FSHR: variants seen among roughly 807,000 people sequenced by gnomAD.
FSHR encodes follicle-stimulating hormone receptor.
FSHR carries 46 observed loss-of-function variants against 52.1 expected under a neutral mutation model. The observed-to-expected ratio is 0.88, with a 90% CI of 0.70 to 1.13. The LOEUF is 1.13. Among genes scored for constraint, FSHR ranks in the 50% most tolerant of loss-of-function variants. The pLI, the probability that FSHR is intolerant of heterozygous loss-of-function variation, is 0.00. For missense variants in FSHR, 964 were observed against 834.6 expected, an observed-to-expected ratio of 1.16 and a Z score of -1.91; for synonymous variants, 399 against 309.6, an observed-to-expected ratio of 1.29 and a Z score of -3.03.
intron 1 of FSHR, among the ~76,000 whole-genome samples, chr2:49,125,219 G>A (rs114315804): frequency 0.013 from 2,019 of 152,100 alleles, 38 homozygotes; most frequent in African/African-American, 0.047. Context: ...TCTAGCATAG[G>A]GATGCTCAAT....
At chr2:49,063,079 A>G (rs1669372087) in intron 2 of FSHR, among the ~76,000 whole-genome samples, 1 of 152,130 alleles carries the variant, frequency 6.6e-6, no homozygotes, top group Admixed American at 6.6e-5. Context: ...CAATTTTACT[A>G]ATGGGTATGT....
intron 1 of FSHR, among the ~76,000 whole-genome samples, chr2:49,079,351 GT>G (rs1210708275): frequency 1.3e-5 from 2 of 151,626 alleles, no homozygotes; most frequent in East Asian, 3.9e-4. Flanking sequence ...AAGCACAGTT[GT>G]TTTTTTGTTT....
At chr2:49,053,743 G>C (rs1445834948) in intron 2 of FSHR, among the ~76,000 whole-genome samples, 1 of 152,184 alleles carries the variant, frequency 6.6e-6, no homozygotes, top group Non-Finnish European at 1.5e-5. Context: ...AAGTAGAGGA[G>C]GCTGGGTTAA....
intron 2 of FSHR, among the ~76,000 whole-genome samples, chr2:49,047,007 C>CAAATAG (rs1431108466): frequency 9.1e-6 from 1 of 110,176 alleles, no homozygotes; most frequent in Non-Finnish European, 2.2e-5. Flanking sequence ...TCAGCCTGCA[C>CAAATAG]TTGTCTCAAG....
intron 2 of FSHR, among the ~76,000 whole-genome samples, chr2:49,060,196 G>C (rs114221130): frequency 6.6e-6 from 1 of 152,004 alleles, no homozygotes; most frequent in Non-Finnish European, 1.5e-5. Flanking sequence ...AAAAAATACC[G>C]GTGAGGATGC....
intron 1 of FSHR, among the ~76,000 whole-genome samples, chr2:49,112,008 T>C (rs979051524): frequency 6.6e-6 from 1 of 152,158 alleles, no homozygotes; most frequent in African/African-American, 2.4e-5. Context: ...TTACTCAAGG[T>C]AACACAGCTT....
chr2:49,137,315 G>T (rs1438122729), intron 1 of FSHR, among the ~76,000 whole-genome samples: 1 of 151,976 alleles, frequency 6.6e-6, no homozygotes. Context: ...CTTATGTCTT[G>T]AAAACTATAA....
chr2:49,002,541 C>A (rs1666935801), intron 4 of FSHR, among the ~76,000 whole-genome samples: 1 of 152,074 alleles, frequency 6.6e-6, no homozygotes, highest in Admixed American at 6.6e-5. Flanking sequence ...AACATGCCTT[C>A]TTCACATGGT....
chr2:48,985,901 G>C (rs372721174), intron 6 of FSHR, among the ~76,000 whole-genome samples: 1 of 150,930 alleles, frequency 6.6e-6, no homozygotes, highest in African/African-American at 2.4e-5. Flanking sequence ...TTTTAGTAGA[G>C]ACGGGGTTTC....
chr2:49,101,556 C>T (rs758088491), intron 1 of FSHR, among the ~76,000 whole-genome samples: 83 of 152,066 alleles, frequency 5.5e-4, no homozygotes, highest in Non-Finnish European at 9.9e-4. Flanking sequence ...ACAAAGAAGG[C>T]AAGAACATTT....
chr2:49,021,921 A>AGAGAGAGAGAGAG (rs1667739794), intron 2 of FSHR, among the ~76,000 whole-genome samples: 4 of 126,764 alleles, frequency 3.2e-5, no homozygotes, highest in African/African-American at 9.3e-5. Flanking sequence ...AGAGAGAGAG[A>AGAGAGAGAGAGAG]ATGAACACCA....
Position 49,056,433 on chromosome 2 carries a change from C to CATTACA in FSHR, c.224+11780_224+11785dup, listed in dbSNP as rs1424222795. 5.1e-5 allele frequency among the ~76,000 whole-genome samples: 7 copies of CATTACA among 136,922 alleles called. No individual in the cohort carries two copies. The South Asian group carries it at 9.2e-4, about 18-fold the overall frequency. The allele number at this position is 136,922 out of a possible 152,430, so 89.8% of individuals were successfully genotyped here. A position where few individuals can be genotyped will look rare whatever the true frequency, so the allele number is the denominator to read the frequency against. Reference sequence around the variant, plus strand: ...TAAAGGGATCAATTCAGCAAGAAATCATTACAATTGGAATATATATATATA... The same window carrying CATTACA: ...TAAAGGGATCAATTCAGCAAGAAATCATTACAATTACAATTGGAATATATATATATA... On this transcript the variant is annotated intron_variant, in intron 2 of 9. Transcript: ENST00000406846.
intron 1 of FSHR, among the ~76,000 whole-genome samples, chr2:49,112,541 C>A (rs1404039050): frequency 6.6e-6 from 1 of 152,046 alleles, no homozygotes; most frequent in Non-Finnish European, 1.5e-5. Flanking sequence ...AATTTCAAAA[C>A]AAAATGCTAA....
At chr2:49,019,135 T>G (rs1667603202) in intron 3 of FSHR, among the ~76,000 whole-genome samples, 1 of 152,222 alleles carries the variant, frequency 6.6e-6, no homozygotes, top group Non-Finnish European at 1.5e-5. Flanking sequence ...AACTTTCCAG[T>G]GACATTAGTT....
intron 2 of FSHR, among the ~76,000 whole-genome samples, chr2:49,042,745 C>T (rs1451303927): frequency 6.6e-6 from 1 of 152,148 alleles, no homozygotes; most frequent in East Asian, 1.9e-4. Context: ...CATTCCTAGA[C>T]TCTAGGGACA....
chr2:49,102,847 A>T (rs1403875879), intron 1 of FSHR, among the ~76,000 whole-genome samples: 1 of 43,982 alleles, frequency 2.3e-5, no homozygotes, highest in African/African-American at 1.2e-4. Flanking sequence ...GATTTCTGCC[A>T]CGGTTTGTTA....
intron 1 of FSHR, among the ~76,000 whole-genome samples, chr2:49,125,661 G>T (rs1406376840): frequency 6.6e-6 from 1 of 152,142 alleles, no homozygotes; most frequent in African/African-American, 2.4e-5. Context: ...CTTTCTTCTT[G>T]CCTTAGGAAA....
At chr2:49,110,814 G>T (rs557837684) in intron 1 of FSHR, among the ~76,000 whole-genome samples, 74 of 152,232 alleles carry the variant, frequency 4.9e-4, no homozygotes, top group African/African-American at 1.6e-3. Flanking sequence ...GGGCTGTTCA[G>T]AACTCTGGCA....
chr2:48,990,505 A>C, intron 5 of FSHR, 61 bp downstream of exon 5: 1 of 1,061,288 alleles, frequency 9.4e-7, no homozygotes, highest in East Asian at 2.4e-5. Context: ...AGGCCCAGAT[A>C]GCCGTTGGGC....
Sources: allele counts gnomAD v4.1 joint callset (sites outside exome capture counted in the v4.1 genomes callset), GRCh38; gene constraint gnomAD v4.1.1; transcripts MANE v1.5; gene names NCBI Gene and HGNC (gene_info 2026-07-23, HGNC 2026-07-21).